Variants in IL18R1 observed in about 807,000 individuals in gnomAD.
IL18R1 encodes interleukin 18 receptor 1.
In IL18R1, 40 loss-of-function variants were observed where a neutral mutation model predicts 48.5. The observed-to-expected ratio is 0.82, with a 90% confidence interval of 0.64 to 1.07. The LOEUF (loss-of-function observed/expected upper bound fraction) is 1.07, where lower values mean the gene tolerates loss of function less well. IL18R1 is among the 50% of genes least tolerant of loss of function. The pLI is 0.00. For missense variants in IL18R1, 596 were observed against 633.7 expected (o/e 0.94, Z 0.64); for synonymous variants, 232 against 225.9 (o/e 1.03, Z -0.24).
chr2:102,360,815 T>C (rs1389077402), intron 1 of IL18R1, among the ~76,000 whole-genome samples: 2 of 152,238 alleles, frequency 1.3e-5, no homozygotes, highest in Non-Finnish European at 2.9e-5. Flanking sequence ...TTAATATTTA[T>C]ATTCTTCTAT....
chr2:102,382,085 C>T (rs539931124), intron 6 of IL18R1, among the ~76,000 whole-genome samples: 3 of 152,158 alleles, frequency 2.0e-5, no homozygotes, highest in East Asian at 3.9e-4. Flanking sequence ...CCAACCTGAC[C>T]AGCACGGTGA....
At chr2:102,360,333 G>A (rs561637289) in intron 1 of IL18R1, among the ~76,000 whole-genome samples, 75 of 152,004 alleles carry the variant, frequency 4.9e-4, no homozygotes, top group Middle Eastern at 6.8e-3. Context: ...ATGAGATCTC[G>A]GCTCACTGCA....
In IL18R1 at chr2:102,356,251, T is replaced by C; in HGVS notation, c.-178T>C. ...GCCCTCTCTGGGTGCCTTATCTCTT[T>C]AATCACACCTCTCTTTCACTTTCCA... On this transcript the variant is annotated 5_prime_UTR_variant, in exon 1 of 11. Coordinates refer to ENST00000233957, the MANE Select transcript of IL18R1 (RefSeq NM_003855.5). 1.5e-6 allele frequency: 1 copy of C among 687,306 alleles called. No homozygotes were observed. The highest frequency in any genetic ancestry group is 1.8e-6 in the Non-Finnish European group (1 of 557,940). 42.6% of individuals were successfully genotyped at this position (687,306 alleles called of 1,614,324 possible).
chr2:102,365,229 C>T (rs1678818860), intron 2 of IL18R1, among the ~76,000 whole-genome samples: 1 of 152,202 alleles, frequency 6.6e-6, no homozygotes, highest in African/African-American at 2.4e-5. Flanking sequence ...AATTTAGTTA[C>T]TTCCTAGATA....
rs773834061 is a variant in IL18R1 at position 102,367,981 on chromosome 2, G to T, written c.215G>T (p.Ser72Ile). The T allele has an allele frequency of 2.5e-6, 4 of 1,614,102 alleles. No homozygotes were observed. Among genetic ancestry groups the T allele is most frequent in the Non-Finnish European group, 3.4e-6 (4 of 1,180,050 alleles). ...GAACATGTGGAGCTGAACCCAAGGAGTTCCTCGAGAATTGCTTTGCATGAT... is the reference window on the plus strand; with the variant it reads ...GAACATGTGGAGCTGAACCCAAGGATTTCCTCGAGAATTGCTTTGCATGAT... ...SQEHVELNPR[S>I]SSRIALHDCV... The change falls in exon 3 of 11, where the codon AGT (serine) becomes ATT (isoleucine). Residue 72 changes from serine to isoleucine, a missense_variant. This residue lies in a region of IL18R1 where 360 missense variants were observed against 339.4 expected (regional missense o/e 1.06). Transcript: ENST00000233957.
chr2:102,394,660 A>G (rs1267087976), intron 10 of IL18R1, 33 bp downstream of exon 10: 8 of 1,548,794 alleles, frequency 5.2e-6, no homozygotes, highest in Non-Finnish European at 7.0e-6. Context: ...AAAATATTCA[A>G]GATAGTTTCT....
chr2:102,371,226 C>T (rs1483198509), intron 3 of IL18R1, among the ~76,000 whole-genome samples: 4 of 152,020 alleles, frequency 2.6e-5, no homozygotes, highest in Non-Finnish European at 5.9e-5. Context: ...AGTTTCACCA[C>T]ATTGGCCAGG....
rs189436934 is a variant in IL18R1 at position 102,380,047 on chromosome 2, C to T, written c.626-1573C>T. On this transcript the variant is annotated intron_variant, in intron 5 of 10. Coordinates refer to ENST00000233957, the MANE Select transcript of IL18R1 (RefSeq NM_003855.5). The stretch of plus-strand genomic sequence containing the variant: ...TCGTGAATCACAGTCACCTGAATTC[C>T]TACTGGGCATCTGCCACTTTCCTGG... Among the ~76,000 whole-genome samples the T allele has an allele frequency of 1.1e-4, 17 of 152,296 alleles. No individual in the cohort carries two copies. In the East Asian group the frequency reaches 3.3e-3, roughly 29 times the overall value.
intron 4 of IL18R1, among the ~76,000 whole-genome samples, chr2:102,373,190 C>T (rs1345101860): frequency 6.6e-6 from 1 of 152,086 alleles, no homozygotes; most frequent in African/African-American, 2.4e-5. Context: ...TGTGGGTTGC[C>T]TGTTTATTTT....
chr2:102,385,002 T>A lies in IL18R1; in HGVS notation c.809+4T>A. On this transcript the variant is annotated splice_donor_region_variant and intron_variant, in intron 7 of 10. Transcript: ENST00000233957. ...AAGAGAAAGAAATGAGAATTATGTA[T>A]GTATGTGTAATATATATGTCATGAT... is the stretch of plus-strand genomic sequence containing the variant. The A allele has an allele frequency of 6.7e-7, 1 of 1,486,624 alleles. No homozygotes were observed. Among genetic ancestry groups the A allele is most frequent in the Non-Finnish European group, 9.4e-7 (1 of 1,065,992 alleles). The allele number at this position is 1,486,624 out of a possible 1,614,324, so 92.1% of individuals were successfully genotyped here.
chr2:102,386,889 A>G lies in IL18R1; in HGVS notation c.838A>G (p.Lys280Glu), dbSNP rs973761709. 1.2e-6 allele frequency: 2 copies of G among 1,614,106 alleles called. No individual in the cohort carries two copies. The highest frequency in any genetic ancestry group is 2.2e-5 in the East Asian group (1 of 44,900). The change falls in exon 8 of 11, where the codon AAA (lysine) becomes GAA (glutamate). Residue 280 changes from lysine (K) to glutamate (E), a missense_variant. Coordinates refer to ENST00000233957, the MANE Select transcript of IL18R1 (RefSeq NM_003855.5). ...TCCAGAAGGCAAATGGCATGCTTCA[A>G]AAGTATTGAGAATTGAAAATATTGG... ...MTPEGKWHAS[K>E]VLRIENIGES...
chr2:102,377,520 G>A (rs528860547), intron 5 of IL18R1, among the ~76,000 whole-genome samples: 1 of 152,144 alleles, frequency 6.6e-6, no homozygotes, highest in Non-Finnish European at 1.5e-5. Context: ...GTTTCACCGT[G>A]TTAGCCAGGA....
rs536936960 is a variant in IL18R1, at chr2:102,384,768, A to G, written c.689-110A>G. 3.4e-6 allele frequency: 4 copies of G among 1,171,468 alleles called. No homozygotes were observed. In the South Asian group the frequency reaches 6.0e-5, roughly 17 times the overall value. The allele number at this position is 1,171,468 out of a possible 1,614,324, so 72.6% of individuals were successfully genotyped here. On this transcript the variant is annotated intron_variant, in intron 6 of 10. Transcript: ENST00000233957. ...AAGGCATATTTATTCTCTTTCTGGG[A>G]TGGAGCACCACGTTTTGCTTTAGGT...
intron 3 of IL18R1, among the ~76,000 whole-genome samples, chr2:102,370,800 A>T (rs556843969): frequency 6.6e-6 from 1 of 152,290 alleles, no homozygotes; most frequent in South Asian, 2.1e-4. Flanking sequence ...AATACCTGGA[A>T]CTCAGTAAGT....
chr2:102,392,690 C>T (rs1680616668), intron 9 of IL18R1, among the ~76,000 whole-genome samples: 1 of 151,886 alleles, frequency 6.6e-6, no homozygotes, highest in Admixed American at 6.6e-5. Flanking sequence ...TAAACAACAA[C>T]AAAAAAAGGC....
chr2:102,384,758 T>C (rs1198393988), intron 6 of IL18R1, 120 bp from the exon 7 acceptor site: 2 of 1,070,808 alleles, frequency 1.9e-6, no homozygotes, highest in Non-Finnish European at 2.7e-6. Flanking sequence ...ATATTTATTC[T>C]CTTTCTGGGA....
intron 1 of IL18R1, among the ~76,000 whole-genome samples, chr2:102,362,228 AAC>A (rs36213840): frequency 6.6e-6 from 1 of 152,030 alleles, no homozygotes; most frequent in East Asian, 1.9e-4. Flanking sequence ...TTGATGTGAA[AAC>A]ACACACACAC....
chr2:102,361,456 CT>C (rs1334623441), intron 1 of IL18R1, among the ~76,000 whole-genome samples: 3 of 152,218 alleles, frequency 2.0e-5, no homozygotes, highest in Non-Finnish European at 4.4e-5. Flanking sequence ...ATTGACAACT[CT>C]GTTTTTAGGA....
intron 1 of IL18R1, among the ~76,000 whole-genome samples, chr2:102,361,911 A>G (rs1444675171): frequency 6.6e-6 from 1 of 152,192 alleles, no homozygotes; most frequent in African/African-American, 2.4e-5. Context: ...GACACAGTCA[A>G]TGTAAAGGAG....
Sources: gnomAD v4.1 joint callset for allele counts (sites outside exome capture counted in the v4.1 genomes callset) on GRCh38, gnomAD v4.1.1 for gene constraint, gnomAD v4.1.1 regional missense constraint, MANE v1.5 for transcripts, NCBI Gene and HGNC (gene_info 2026-07-23, HGNC 2026-07-21) for gene names.